GDI2: variants seen among roughly 807,000 people sequenced by gnomAD.
GDI2 encodes rab GDP dissociation inhibitor beta.
Under a neutral mutation model 54.2 loss-of-function variants are expected in GDI2, and 22 were observed. The ratio of observed to expected loss-of-function variants is 0.41; its 90% CI spans 0.29 to 0.58. The LOEUF (loss-of-function observed/expected upper bound fraction) is 0.58, where lower values mean the gene tolerates loss of function less well. Among genes scored for constraint, GDI2 ranks in the 20% least tolerant of loss-of-function variants. The pLI, the probability that GDI2 is intolerant of heterozygous loss-of-function variation, is 0.35. For synonymous variants in GDI2, 177 were observed against 182.1 expected (o/e 0.97, Z 0.23); for missense variants, 422 against 546.0 (o/e 0.77, Z 2.26).
chr10:5,806,547 T>C (rs576551522), intron 1 of GDI2, among the ~76,000 whole-genome samples: 40 of 152,188 alleles, frequency 2.6e-4, no homozygotes, highest in Non-Finnish European at 5.1e-4. Context: ...ATATACTATA[T>C]ATAAATCCTT....
intron 1 of GDI2, among the ~76,000 whole-genome samples, chr10:5,807,366 C>G (rs1466895935): frequency 6.6e-6 from 1 of 152,222 alleles, no homozygotes; most frequent in Non-Finnish European, 1.5e-5. Context: ...AACTAAGCTT[C>G]TCTTTTTCAC....
At chr10:5,778,934 C>G (rs10795544) in intron 6 of GDI2, among the ~76,000 whole-genome samples, 12 of 151,962 alleles carry the variant, frequency 7.9e-5, no homozygotes, top group African/African-American at 2.9e-4. Context: ...GGCATCTCAA[C>G]AAACTATCAA....
chr10:5,804,980 T>C (rs532706841), intron 1 of GDI2, among the ~76,000 whole-genome samples: 8 of 152,142 alleles, frequency 5.3e-5, no homozygotes, highest in Non-Finnish European at 8.8e-5. Flanking sequence ...ACTACAGGTG[T>C]GCGCCACCAC....
At chr10:5,804,327 C>G (rs1304743035) in intron 1 of GDI2, among the ~76,000 whole-genome samples, 1 of 152,168 alleles carries the variant, frequency 6.6e-6, no homozygotes, top group African/African-American at 2.4e-5. Flanking sequence ...CTCCTGGCCT[C>G]AAGTGATCTG....
At chr10:5,769,944 G>C (rs1481954686) in intron 7 of GDI2, among the ~76,000 whole-genome samples, 3 of 152,164 alleles carry the variant, frequency 2.0e-5, no homozygotes, top group Admixed American at 1.3e-4. Flanking sequence ...TTTCAGAGTA[G>C]CATTATTCAC....
intron 4 of GDI2, among the ~76,000 whole-genome samples, chr10:5,786,426 C>G (rs1285661370): frequency 6.6e-6 from 1 of 152,074 alleles, no homozygotes; most frequent in South Asian, 2.1e-4. Context: ...CACGGCCTCC[C>G]AAAGTGCTGA....
Position 5,787,762 on chromosome 10 carries a change from C to T in GDI2, c.389-1712G>A, listed in dbSNP as rs11595445. On this transcript the variant is annotated intron_variant, in intron 4 of 10. Transcript: ENST00000380191. Reference sequence around the variant, plus strand: ...GCACTTAAAACTTAGGTATCATATTCCGGTCGGCACAGCCTGTCAGAACTT... The same window carrying T: ...GCACTTAAAACTTAGGTATCATATTTCGGTCGGCACAGCCTGTCAGAACTT... 5.9e-3 allele frequency among the ~76,000 whole-genome samples: 898 copies of T among 152,304 alleles called. 12 individuals are homozygous for T. Among genetic ancestry groups the T allele is most frequent in the Middle Eastern group, 0.041 (12 of 294 alleles).
chr10:5,800,796 T>C (rs1841251910), intron 1 of GDI2, 91 bp from the exon 2 acceptor site: 1 of 756,634 alleles, frequency 1.3e-6, no homozygotes, highest in South Asian at 1.4e-5. Context: ...CACATTCTCT[T>C]AGTAATTACA....
At chr10:5,794,567 A>C (rs1280440655) in intron 4 of GDI2, among the ~76,000 whole-genome samples, 2 of 152,180 alleles carry the variant, frequency 1.3e-5, no homozygotes, top group Non-Finnish European at 2.9e-5. Flanking sequence ...CTTTAGACAC[A>C]GGAAATACTC....
chr10:5,775,649 G>A (rs1190721386), intron 6 of GDI2, among the ~76,000 whole-genome samples: 3 of 152,142 alleles, frequency 2.0e-5, no homozygotes, highest in Admixed American at 6.5e-5. Context: ...CACACAGGAG[G>A]GAAAAGCGAA....
Position 5,776,098 on chromosome 10 carries a change from C to A in GDI2, c.720-2157G>T. Reference sequence around the variant, plus strand: ...CCCTCAACCTGGCTCATCAACAGAGCAGATGAACAGACCATTTATCAGCAA... The same window carrying A: ...CCCTCAACCTGGCTCATCAACAGAGAAGATGAACAGACCATTTATCAGCAA... On this transcript the variant is annotated intron_variant, in intron 6 of 10. Coordinates refer to ENST00000380191, the MANE Select transcript of GDI2 (RefSeq NM_001494.4). This position sits in a 1 kb window ranked among gnomAD's most constrained non-coding sequence, Gnocchi z 5.3. 1 of 233,354 alleles carries A rather than the reference C, an allele frequency of 4.3e-6. No homozygotes were observed. 14.5% of individuals were successfully genotyped at this position (233,354 alleles called of 1,614,324 possible). A position where few individuals can be genotyped will look rare whatever the true frequency, so the allele number is the denominator to read the frequency against.
rs1474642028 is a variant in GDI2 at position 5,776,029 on chromosome 10, TC to T, written c.720-2089del. ...TGTTCCCCTGCGCCACTGCTCCCCT[TC>T]CTAAGGCTGCCACTTACCCCGGAGT... On this transcript the variant is annotated intron_variant, in intron 6 of 10. Transcript: ENST00000380191. The surrounding 1 kb of genome is among the most constrained non-coding windows in gnomAD (Gnocchi z 5.3). The T allele has an allele frequency of 1.1e-5, 2 of 189,440 alleles. No individual in the cohort carries two copies. The highest frequency in any genetic ancestry group is 2.2e-5 in the Non-Finnish European group (2 of 89,556). The allele number at this position is 189,440 out of a possible 1,614,324, so 11.7% of individuals were successfully genotyped here. A position where few individuals can be genotyped will look rare whatever the true frequency, so the allele number is the denominator to read the frequency against.
intron 7 of GDI2, among the ~76,000 whole-genome samples, chr10:5,773,134 G>A (rs1010154918): frequency 3.9e-5 from 6 of 152,110 alleles, no homozygotes; most frequent in African/African-American, 1.4e-4. Flanking sequence ...TTTCCAGTGA[G>A]ACCTAAATAA....
Position 5,766,295 on chromosome 10 carries a change from T to C in GDI2, c.1137A>G (p.Lys379=), listed in dbSNP as rs1217163523. The C allele has an allele frequency of 6.2e-7, 1 of 1,612,068 alleles. No homozygotes were observed. The highest frequency in any genetic ancestry group is 1.7e-5 in the Admixed American group (1 of 59,984). The part of the protein sequence containing the change: ...ALELLEPIEQ[K]FVSISDLLVP... ...CCAGGAGGTCACTGATGCTAACAAA[T>C]CTGGAGGGAGAGAGAATTCAGTCAG... Residue 379 remains lysine (K), a splice_region_variant and synonymous_variant, in exon 10 of 11, where the codon AAA becomes AAG. Coordinates refer to ENST00000380191, the MANE Select transcript of GDI2 (RefSeq NM_001494.4). The surrounding 1 kb of genome is among the most constrained non-coding windows in gnomAD (Gnocchi z 5.8).
In GDI2 at chr10:5,765,699, G is replaced by C. The variant is rs575131396; in HGVS notation, c.*307C>G. Reference sequence around the variant, plus strand: ...AGCAGCAGCAGCACATAGCTACACTGATTAAAAGATTAAAAAAACTGTCTC... The same window carrying C: ...AGCAGCAGCAGCACATAGCTACACTCATTAAAAGATTAAAAAAACTGTCTC... On this transcript the variant is annotated 3_prime_UTR_variant, in exon 11 of 11. Coordinates refer to ENST00000380191, the MANE Select transcript of GDI2 (RefSeq NM_001494.4). 2 of 293,350 alleles carry C rather than the reference G, an allele frequency of 6.8e-6. No homozygotes were observed. The highest frequency in any genetic ancestry group is 8.9e-5 in the South Asian group (2 of 22,440). 18.2% of individuals were successfully genotyped at this position (293,350 alleles called of 1,614,324 possible).
chr10:5,797,222 C>T (rs942460161), intron 2 of GDI2, among the ~76,000 whole-genome samples: 1 of 151,398 alleles, frequency 6.6e-6, no homozygotes, highest in Admixed American at 6.6e-5. Context: ...ACCAGCCTGA[C>T]CAACATAGTG....
chr10:5,788,626 AG>A (rs1180465119), intron 4 of GDI2, among the ~76,000 whole-genome samples: 2 of 152,254 alleles, frequency 1.3e-5, no homozygotes, highest in Non-Finnish European at 2.9e-5. Flanking sequence ...TCATGTTTTA[AG>A]AAAGTTAACA....
At chr10:5,812,548 G>A (rs1351547822) in intron 1 of GDI2, among the ~76,000 whole-genome samples, 1 of 152,030 alleles carries the variant, frequency 6.6e-6, no homozygotes, top group Non-Finnish European at 1.5e-5. Context: ...GACAAGTTTT[G>A]AAAAAACTCA....
chr10:5,775,887 T>A (rs1840608400), intron 6 of GDI2, among the ~76,000 whole-genome samples: 1 of 152,128 alleles, frequency 6.6e-6, no homozygotes, highest in Non-Finnish European at 1.5e-5. Flanking sequence ...CGTGGAGCAG[T>A]GCTGGAGGAG....
Sources: allele counts gnomAD v4.1 joint callset (sites outside exome capture counted in the v4.1 genomes callset), GRCh38; gene constraint gnomAD v4.1.1; non-coding constraint Gnocchi (gnomAD v3.1); transcripts MANE v1.5; gene names NCBI Gene and HGNC (gene_info 2026-07-23, HGNC 2026-07-21).